Variants in CDH4 observed in about 807,000 individuals in gnomAD.
CDH4 encodes the protein cadherin-4.
Under a neutral mutation model 86.0 loss-of-function variants are expected in CDH4, and 33 were observed. That is an observed-to-expected ratio of 0.38 (90% CI 0.29 to 0.51). The LOEUF (loss-of-function observed/expected upper bound fraction) is 0.51. Among genes scored for constraint, CDH4 ranks in the 20% least tolerant of loss-of-function variants. CDH4 has a pLI of 0.86. For synonymous variants in CDH4, 555 were observed against 549.4 expected (o/e 1.01, Z -0.14); for missense variants, 1,114 against 1,307.4 (o/e 0.85, Z 2.28).
At chr20:61,502,218 T>C (rs959462934) in intron 2 of CDH4, among the ~76,000 whole-genome samples, 3 of 152,044 alleles carry the variant, frequency 2.0e-5, no homozygotes, top group African/African-American at 7.2e-5. Context: ...AAGGCCCAAA[T>C]GAGATAGAAC....
chr20:61,403,561 G>T (rs111952177), intron 2 of CDH4, among the ~76,000 whole-genome samples: 3 of 152,064 alleles, frequency 2.0e-5, no homozygotes, highest in Non-Finnish European at 4.4e-5. Flanking sequence ...TCAAATCATC[G>T]TGGAAAACAT....
At chr20:61,546,856 G>A (rs2086090994) in intron 2 of CDH4, among the ~76,000 whole-genome samples, 1 of 152,196 alleles carries the variant, frequency 6.6e-6, no homozygotes, top group Non-Finnish European at 1.5e-5. Flanking sequence ...ATCCTTTAGT[G>A]AGCCACTGAT....
At chr20:61,739,775 G>A (rs959239052) in intron 2 of CDH4, among the ~76,000 whole-genome samples, 2 of 152,246 alleles carry the variant, frequency 1.3e-5, no homozygotes, top group African/African-American at 2.4e-5. Flanking sequence ...ACAGCAGGCC[G>A]CTCCCGGCCG....
At chr20:61,823,648 A>G (rs1480011495) in intron 4 of CDH4, among the ~76,000 whole-genome samples, 2 of 152,192 alleles carry the variant, frequency 1.3e-5, no homozygotes, top group Non-Finnish European at 2.9e-5. Flanking sequence ...AGCTCTTTGT[A>G]TCCCAAACCC....
At chr20:61,456,343 G>C (rs2085406862) in intron 2 of CDH4, among the ~76,000 whole-genome samples, 1 of 152,214 alleles carries the variant, frequency 6.6e-6, no homozygotes, top group Non-Finnish European at 1.5e-5. Flanking sequence ...AGTTGTTTAA[G>C]AATCTGAGGT....
intron 2 of CDH4, among the ~76,000 whole-genome samples, chr20:61,610,244 C>T (rs568898269): frequency 7.9e-5 from 12 of 152,274 alleles, no homozygotes; most frequent in Middle Eastern, 3.4e-3. Context: ...GGACTGAGAA[C>T]GTGTGGTGTT....
At chr20:61,876,403 T>C (rs1015088207) in intron 7 of CDH4, among the ~76,000 whole-genome samples, 45 of 152,198 alleles carry the variant, frequency 3.0e-4, no homozygotes, top group African/African-American at 1.0e-3. Flanking sequence ...CCCTACTCTA[T>C]ATCGGCCGCG....
intron 2 of CDH4, among the ~76,000 whole-genome samples, chr20:61,426,276 A>G (rs1393973853): frequency 6.6e-6 from 1 of 152,180 alleles, no homozygotes; most frequent in Non-Finnish European, 1.5e-5. Context: ...TTTGCTTGGA[A>G]AAACACTCTG....
chr20:61,482,200 C>T (rs912296150), intron 2 of CDH4, among the ~76,000 whole-genome samples: 12 of 152,172 alleles, frequency 7.9e-5, no homozygotes, highest in South Asian at 2.1e-4. Flanking sequence ...CTGTAGGGCC[C>T]GGAAGAAGCC....
chr20:61,802,465 C>T (rs1022903399), intron 4 of CDH4, among the ~76,000 whole-genome samples: 1 of 152,156 alleles, frequency 6.6e-6, no homozygotes, highest in Non-Finnish European at 1.5e-5. Context: ...GTGGCCCCAT[C>T]GTCCCTGTTT....
At chr20:61,837,817 TCTC>T (rs1288612608) in intron 4 of CDH4, among the ~76,000 whole-genome samples, 2 of 151,718 alleles carry the variant, frequency 1.3e-5, no homozygotes, top group East Asian at 1.9e-4. Context: ...GAGCCTTCCT[TCTC>T]CTCCTCCTCC....
intron 2 of CDH4, among the ~76,000 whole-genome samples, chr20:61,638,148 C>T (rs992930030): frequency 2.0e-5 from 3 of 152,062 alleles, no homozygotes; most frequent in Admixed American, 6.5e-5. Flanking sequence ...CCACCATAGA[C>T]GAGTGGAAGG....
At chr20:61,360,294 C>T (rs1433774136) in intron 2 of CDH4, among the ~76,000 whole-genome samples, 1 of 152,124 alleles carries the variant, frequency 6.6e-6, no homozygotes, top group Non-Finnish European at 1.5e-5. Flanking sequence ...ATGAAGGATA[C>T]CAGGTGAGAC....
intron 2 of CDH4, among the ~76,000 whole-genome samples, chr20:61,321,141 G>A (rs1244406497): frequency 3.3e-5 from 5 of 152,222 alleles, no homozygotes; most frequent in Non-Finnish European, 5.9e-5. Context: ...GAGCGCATGC[G>A]AGAGAGAGGA....
chr20:61,527,644 C>T (rs1159988884), intron 2 of CDH4, among the ~76,000 whole-genome samples: 1 of 152,190 alleles, frequency 6.6e-6, no homozygotes, highest in African/African-American at 2.4e-5. Flanking sequence ...CTGTTCTGTT[C>T]AATGCCCCAT....
chr20:61,510,124 T>G lies in CDH4; in HGVS notation c.170-233439T>G, dbSNP rs1315575585. Among the ~76,000 whole-genome samples the G allele has an allele frequency of 6.6e-6, 1 of 152,196 alleles. No individual in the cohort carries two copies. Among genetic ancestry groups the G allele is most frequent in the Admixed American group, 6.5e-5 (1 of 15,284 alleles). On this transcript the variant is annotated intron_variant, in intron 2 of 15. Transcript: ENST00000614565. The surrounding 1 kb of genome is among the most constrained non-coding windows in gnomAD (Gnocchi z 4.2). ...GTGAGTGTTTTCCAGTGGAGTGTTA[T>G]TCATTTAAAGTTGTTTGAAAATCTG...
chr20:61,484,588 C>T (rs1485192408), intron 2 of CDH4, among the ~76,000 whole-genome samples: 1 of 152,240 alleles, frequency 6.6e-6, no homozygotes, highest in African/African-American at 2.4e-5. Flanking sequence ...GTGCCAGCTT[C>T]ACGCAGTCAG....
intron 2 of CDH4, among the ~76,000 whole-genome samples, chr20:61,486,825 G>T (rs1482425160): frequency 1.3e-5 from 2 of 152,126 alleles, no homozygotes; most frequent in Non-Finnish European, 2.9e-5. Context: ...GGAGTTCAAG[G>T]TTCCAATGAA....
At chr20:61,692,223 GTGTA>G (rs893975612) in intron 2 of CDH4, among the ~76,000 whole-genome samples, 9 of 145,336 alleles carry the variant, frequency 6.2e-5, no homozygotes, top group Non-Finnish European at 9.3e-5. Context: ...GTATGTATGT[GTGTA>G]TGTGTGTGTA....
Sources: gnomAD v4.1 joint callset for allele counts (sites outside exome capture counted in the v4.1 genomes callset) on GRCh38, gnomAD v4.1.1 for gene constraint, Gnocchi (gnomAD v3.1) non-coding constraint, MANE v1.5 for transcripts, NCBI Gene and HGNC (gene_info 2026-07-23, HGNC 2026-07-21) for gene names.